The following GPR155 variants were observed in gnomAD, a reference collection of about 807,000 sequenced individuals.
GPR155 encodes the protein G protein-coupled receptor 155, also known as lysosomal cholesterol signaling protein.
A neutral mutation model predicts 93.1 loss-of-function variants in GPR155; 65 were observed. The ratio of observed to expected loss-of-function variants is 0.70; its 90% CI spans 0.57 to 0.86. The LOEUF is 0.86. Ranked by LOEUF, GPR155 falls within the 40% of genes least tolerant of loss-of-function variation. The probability of loss-of-function intolerance (pLI) is 0.00; values close to 1 mark genes in which losing one functional copy is unlikely to be tolerated. For synonymous variants in GPR155, 319 were observed against 360.1 expected, an observed-to-expected ratio of 0.89 and a Z score of 1.29; for missense variants, 838 against 1,034.8, an observed-to-expected ratio of 0.81 and a Z score of 2.61.
intron 5 of GPR155, among the ~76,000 whole-genome samples, chr2:174,468,082 T>G (rs1450042): frequency 0.98 from 149,153 of 152,288 alleles, 73,109 homozygotes; most frequent in East Asian, 1. Context: ...TACCTACGTA[T>G]TGGCCAGGTA....
At position 174,469,784 on chromosome 2, in the gene GPR155, C is replaced by G. The variant is rs1230760215; in HGVS notation, c.1026+606G>C. Among the ~76,000 whole-genome samples, 4 of 152,152 alleles carry G rather than the reference C, an allele frequency of 2.6e-5. No individual in the cohort carries two copies. The East Asian group carries it at 7.7e-4, about 29-fold the overall frequency. Reference sequence around the variant, plus strand: ...ACTGATTAAAAAAAGTCAGGGCTGACTAAAGACCCCAGATTAAATGACTGT... The same window carrying G: ...ACTGATTAAAAAAAGTCAGGGCTGAGTAAAGACCCCAGATTAAATGACTGT... On this transcript the variant is annotated intron_variant, in intron 4 of 15. Transcript: ENST00000392552.
At chr2:174,450,518 A>G (rs936089408) in intron 11 of GPR155, among the ~76,000 whole-genome samples, 9 of 152,188 alleles carry the variant, frequency 5.9e-5, no homozygotes, top group African/African-American at 2.2e-4. Context: ...CCTTTGAGGA[A>G]CCATAAAAGT....
chr2:174,462,109 A>G (rs925026095), intron 7 of GPR155, among the ~76,000 whole-genome samples: 2 of 151,130 alleles, frequency 1.3e-5, no homozygotes, highest in Admixed American at 1.3e-4. Flanking sequence ...CTAAATAAGA[A>G]TTTTTTTTTG....
chr2:174,468,698 G>C (rs1430186), intron 5 of GPR155, among the ~76,000 whole-genome samples: 130,647 of 152,228 alleles, frequency 0.86, 56,343 homozygotes, highest in African/African-American at 0.95. Flanking sequence ...AAATCCAGGT[G>C]TGACTAAATC....
At chr2:174,470,325 A>G (rs1687956131) in intron 4 of GPR155, 65 bp downstream of exon 4, 2 of 1,237,614 alleles carry the variant, frequency 1.6e-6, no homozygotes, top group Non-Finnish European at 2.2e-6. Flanking sequence ...AAAAAATTTG[A>G]AATGAATTTA....
intron 1 of GPR155, among the ~76,000 whole-genome samples, chr2:174,486,133 T>A (rs1407099781): frequency 6.6e-6 from 1 of 152,182 alleles, no homozygotes; most frequent in African/African-American, 2.4e-5. Context: ...GTGGTACTAT[T>A]AGAGCACTCT....
intron 14 of GPR155, 38 bp from the exon 15 acceptor site, chr2:174,440,073 A>G (rs776956219): frequency 2.5e-6 from 4 of 1,579,042 alleles, no homozygotes; most frequent in East Asian, 4.5e-5. Context: ...AAGGACAGAA[A>G]AGCACTGAGA....
rs1687689966 is a variant in GPR155 at position 174,461,427 on chromosome 2, G to A, written c.1535C>T (p.Ser512Leu). 6.2e-7 allele frequency: 1 copy of A among 1,612,832 alleles called. No individual in the cohort carries two copies. The highest frequency in any genetic ancestry group is 1.1e-5 in the South Asian group (1 of 91,050). The stretch of plus-strand genomic sequence containing the variant: ...CTGTTCTTTTCCATAAAAGAAGGCT[G>A]AGTCAATGCTATCTCCATTGTGTTT... ...TGKHNGDSID[S>L]AFFYGKEQMI... The change falls in exon 9 of 16, where the codon TCA becomes TTA. Residue 512 changes from serine (S) to leucine (L), a missense_variant. Physicochemically the swap from Ser to Leu is moderately radical, Grantham distance 145 (BLOSUM62 -2). This residue lies in a region of GPR155 where 663 missense variants were observed against 790.1 expected (regional missense o/e 0.84). Transcript: ENST00000392552.
At chr2:174,465,638 A>G (rs1687816618) in intron 7 of GPR155, 147 bp downstream of exon 7, 6 of 515,454 alleles carry the variant, frequency 1.2e-5, no homozygotes, top group Non-Finnish European at 1.8e-5. Context: ...AGCTTTGCCG[A>G]TGGCCTCTGT....
chr2:174,468,397 T>C (rs945889561), intron 5 of GPR155, among the ~76,000 whole-genome samples: 2 of 152,214 alleles, frequency 1.3e-5, no homozygotes, highest in African/African-American at 4.8e-5. Flanking sequence ...TAATTTTAGT[T>C]AGATATATTC....
intron 5 of GPR155, among the ~76,000 whole-genome samples, chr2:174,468,450 G>T (rs904451025): frequency 6.6e-6 from 1 of 151,986 alleles, no homozygotes; most frequent in South Asian, 2.1e-4. Context: ...TTAAATAGGC[G>T]GTTGGACTTG....
intron 15 of GPR155, 103 bp downstream of exon 15, chr2:174,439,795 G>T: frequency 1.1e-6 from 1 of 888,350 alleles, no homozygotes; most frequent in Non-Finnish European, 1.7e-6. Context: ...AAATAATCAT[G>T]TAATCAGTCA....
chr2:174,463,458 C>T (rs1687757294), intron 7 of GPR155, among the ~76,000 whole-genome samples: 1 of 152,180 alleles, frequency 6.6e-6, no homozygotes, highest in Non-Finnish European at 1.5e-5. Flanking sequence ...GCCTGGATCT[C>T]CCAAAGTGTT....
intron 1 of GPR155, among the ~76,000 whole-genome samples, chr2:174,484,970 TCA>T (rs2105746232): frequency 6.6e-6 from 1 of 152,306 alleles, no homozygotes; most frequent in South Asian, 2.1e-4. Context: ...ATACAGCTTA[TCA>T]CAGAGTAGGC....
intron 5 of GPR155, 62 bp from the exon 6 acceptor site, chr2:174,466,689 T>C (rs1178782502): frequency 3.5e-6 from 3 of 846,552 alleles, no homozygotes; most frequent in Non-Finnish European, 5.9e-6. Context: ...ACTTATTAAA[T>C]AACACAATGA....
At chr2:174,445,911 T>G (rs914486534) in intron 12 of GPR155, among the ~76,000 whole-genome samples, 2 of 151,782 alleles carry the variant, frequency 1.3e-5, no homozygotes, top group Non-Finnish European at 2.9e-5. Flanking sequence ...TTTTTTCTGG[T>G]GGACACTGAG....
chr2:174,447,430 A>G (rs1687169000), intron 11 of GPR155, among the ~76,000 whole-genome samples: 1 of 146,434 alleles, frequency 6.8e-6, no homozygotes, highest in Non-Finnish European at 1.5e-5. Context: ...TAAATAATAT[A>G]TACACATTAC....
intron 15 of GPR155, among the ~76,000 whole-genome samples, chr2:174,438,817 G>C (rs1036814204): frequency 2.6e-5 from 4 of 152,172 alleles, no homozygotes; most frequent in African/African-American, 9.6e-5. Flanking sequence ...CTAAAAAGCA[G>C]TTTTAAATTG....
At chr2:174,437,853 G>A (rs530845175) in intron 15 of GPR155, among the ~76,000 whole-genome samples, 2 of 151,496 alleles carry the variant, frequency 1.3e-5, no homozygotes, top group East Asian at 4.0e-4. Flanking sequence ...CAAAGTGCTG[G>A]GATTACAGGC....
Sources: allele counts gnomAD v4.1 joint callset (sites outside exome capture counted in the v4.1 genomes callset), GRCh38; gene constraint gnomAD v4.1.1; regional missense constraint gnomAD v4.1.1; transcripts MANE v1.5; gene names NCBI Gene and HGNC (gene_info 2026-07-23, HGNC 2026-07-21).